The following PCSK6 variants were observed in gnomAD, a reference collection of about 807,000 sequenced individuals.
The protein encoded by PCSK6 is proprotein convertase subtilisin/kexin type 6.
Under a neutral mutation model 123.3 loss-of-function variants are expected in PCSK6, and 85 were observed. The observed-to-expected ratio is 0.69, with a 90% CI of 0.58 to 0.83. The LOEUF (loss-of-function observed/expected upper bound fraction) is 0.83, where lower values mean the gene tolerates loss of function less well. PCSK6 is among the 40% of genes least tolerant of loss of function. The pLI is 0.00. For synonymous variants in PCSK6, 508 were observed against 516.0 expected (o/e 0.98, Z 0.21); for missense variants, 1,191 against 1,282.3 (o/e 0.93, Z 1.09).
intron 1 of PCSK6, among the ~76,000 whole-genome samples, chr15:101,472,865 T>G (rs2057639868): frequency 6.6e-6 from 1 of 152,212 alleles, no homozygotes; most frequent in African/African-American, 2.4e-5. Context: ...TCTTTATGAG[T>G]AACAATCAAA....
rs190920947 is a variant in PCSK6 at position 101,359,385 on chromosome 15, T to C, written c.1858+6811A>G. Among the ~76,000 whole-genome samples, 47 of 152,238 alleles carry C rather than the reference T, an allele frequency of 3.1e-4. No homozygotes were observed. The East Asian group carries it at 6.7e-3, about 22-fold the overall frequency. ...AGATCGACCTGTGTCAAGACTTCAT[T>C]TGGGGCTACCCTCAGGAAGTATTTC... On this transcript the variant is annotated intron_variant, in intron 13 of 21. Transcript: ENST00000611716.
chr15:101,351,736 G>A (rs999744657), intron 13 of PCSK6, among the ~76,000 whole-genome samples: 2 of 152,070 alleles, frequency 1.3e-5, no homozygotes, highest in Non-Finnish European at 2.9e-5. Flanking sequence ...CAGCAAGCAG[G>A]ACAATATAAC....
At chr15:101,362,314 G>A (rs917372469) in intron 13 of PCSK6, among the ~76,000 whole-genome samples, 1 of 152,190 alleles carries the variant, frequency 6.6e-6, no homozygotes, top group Non-Finnish European at 1.5e-5. Context: ...GTTTGTCTAA[G>A]GTGCACAAGC....
intron 13 of PCSK6, among the ~76,000 whole-genome samples, chr15:101,357,299 G>C (rs889138874): frequency 2.9e-4 from 44 of 152,198 alleles, no homozygotes; most frequent in African/African-American, 1.0e-3. Context: ...GACAACCAGG[G>C]AGTGGAAGAT....
chr15:101,346,874 G>A (rs2040744983), intron 13 of PCSK6: 2 of 1,231,514 alleles, frequency 1.6e-6, no homozygotes, highest in South Asian at 4.1e-5. Context: ...AGCAGCAGTT[G>A]GTTGCATTTC....
At chr15:101,328,592 C>T (rs1378866730) in intron 15 of PCSK6, among the ~76,000 whole-genome samples, 1 of 152,070 alleles carries the variant, frequency 6.6e-6, no homozygotes, top group Non-Finnish European at 1.5e-5. Context: ...GCTGCTGGTC[C>T]GGGTGTATGG....
chr15:101,489,309 G>A (rs2141290881), intron 1 of PCSK6, 65 bp downstream of exon 1: 2 of 1,003,446 alleles, frequency 2.0e-6, no homozygotes, highest in Non-Finnish European at 2.4e-6. Context: ...CTGCGGAGGC[G>A]CCCCCCTCGC....
intron 13 of PCSK6, among the ~76,000 whole-genome samples, chr15:101,341,544 G>A (rs1214517229): frequency 1.3e-5 from 2 of 152,178 alleles, no homozygotes; most frequent in African/African-American, 2.4e-5. Flanking sequence ...TTACAGGCAT[G>A]AGTCCCCATG....
intron 1 of PCSK6, among the ~76,000 whole-genome samples, chr15:101,444,783 C>G (rs2056843293): frequency 6.6e-6 from 1 of 152,200 alleles, no homozygotes; most frequent in African/African-American, 2.4e-5. Flanking sequence ...CTGCCTCCAC[C>G]TCATTCATAG....
chr15:101,484,671 G>T (rs1019062947), intron 1 of PCSK6, among the ~76,000 whole-genome samples: 53 of 152,194 alleles, frequency 3.5e-4, no homozygotes, highest in African/African-American at 1.2e-3. Flanking sequence ...GATTACAGGC[G>T]TGAGCCACCA....
At chr15:101,339,893 G>C (rs185348068) in intron 13 of PCSK6, among the ~76,000 whole-genome samples, 1 of 148,040 alleles carries the variant, frequency 6.8e-6, no homozygotes, top group Non-Finnish European at 1.5e-5. Context: ...CTGGGTGACA[G>C]AGCAAGACCC....
chr15:101,469,790 T>C (rs1405847230), intron 1 of PCSK6, among the ~76,000 whole-genome samples: 1 of 152,200 alleles, frequency 6.6e-6, no homozygotes, highest in East Asian at 1.9e-4. Flanking sequence ...GCTTTTCAAA[T>C]CGGCCAACAC....
At chr15:101,447,883 G>A (rs777499328) in intron 1 of PCSK6, among the ~76,000 whole-genome samples, 11 of 152,210 alleles carry the variant, frequency 7.2e-5, no homozygotes, top group Admixed American at 1.3e-4. Context: ...TGGCTTCCAC[G>A]GACTGCCGCT....
Position 101,318,559 on chromosome 15 carries a change from G to C in PCSK6, c.2466-137C>G. On this transcript the variant is annotated intron_variant, in intron 18 of 21. Transcript: ENST00000611716. ...GTGTCACCGAAAGTTCTCAGCTAAG[G>C]AAAGTCGGGAAAGCCATCCCGCAGT... is the stretch of plus-strand genomic sequence containing the variant. The C allele has an allele frequency of 4.1e-6, 3 of 731,050 alleles. No individual in the cohort carries two copies. The Admixed American group carries it at 7.3e-5, about 18-fold the overall frequency. 45.3% of individuals were successfully genotyped at this position (731,050 alleles called of 1,614,324 possible).
intron 2 of PCSK6, among the ~76,000 whole-genome samples, chr15:101,437,205 G>A (rs1168035019): frequency 6.6e-6 from 1 of 152,198 alleles, no homozygotes; most frequent in African/African-American, 2.4e-5. Context: ...TCCGAGTGAG[G>A]GATTGGTCCT....
Position 101,389,520 on chromosome 15 carries a change from C to G in PCSK6, c.1254G>C (p.Gly418=), listed in dbSNP as rs1275498539. Residue 418 remains glycine, a synonymous_variant, in exon 9 of 22, where the codon GGG becomes GGC. Coordinates refer to ENST00000611716, the MANE Select transcript of PCSK6 (RefSeq NM_002570.5). ...CCACCATGGGGGCAGAGACTGAGGTCCCAGTGTGGCCATCGGTACAGCGCT... is the reference window on the plus strand; with the variant it reads ...CCACCATGGGGGCAGAGACTGAGGTGCCAGTGTGGCCATCGGTACAGCGCT... ...LRQRCTDGHT[G]TSVSAPMVAG... is the part of the protein sequence containing the mutation. The G allele has an allele frequency of 6.2e-7, 1 of 1,613,596 alleles. No individual in the cohort carries two copies. Among genetic ancestry groups the G allele is most frequent in the Non-Finnish European group, 8.5e-7 (1 of 1,179,690 alleles).
At chr15:101,370,647 G>A (rs2041556113) in intron 11 of PCSK6, 124 bp from the exon 12 acceptor site, 1 of 856,910 alleles carries the variant, frequency 1.2e-6, no homozygotes, top group African/African-American at 1.7e-5. Context: ...CGGGCCCCGG[G>A]GAGCCGCAGC....
At chr15:101,379,070 G>C (rs2041835836) in intron 11 of PCSK6, among the ~76,000 whole-genome samples, 1 of 152,260 alleles carries the variant, frequency 6.6e-6, no homozygotes, top group South Asian at 2.1e-4. Context: ...GACACCATGG[G>C]TGACGGGGCA....
At chr15:101,391,276 C>T (rs888297293) in intron 8 of PCSK6, among the ~76,000 whole-genome samples, 3 of 152,228 alleles carry the variant, frequency 2.0e-5, no homozygotes, top group African/African-American at 7.2e-5. Flanking sequence ...CACAGCCAGG[C>T]ACCTGAATGT....
Sources: gnomAD v4.1 joint callset for allele counts (sites outside exome capture counted in the v4.1 genomes callset) on GRCh38, gnomAD v4.1.1 for gene constraint, MANE v1.5 for transcripts, NCBI Gene and HGNC (gene_info 2026-07-23, HGNC 2026-07-21) for gene names.